Variants in ZFPM1 observed in about 807,000 individuals in gnomAD.
ZFPM1 encodes zinc finger protein ZFPM1.
In ZFPM1, 28 loss-of-function variants were observed where a neutral mutation model predicts 46.3. The ratio of observed to expected loss-of-function variants is 0.60; its 90% CI spans 0.45 to 0.83. The LOEUF (loss-of-function observed/expected upper bound fraction) is 0.83, where lower values mean the gene tolerates loss of function less well. Among genes scored for constraint, ZFPM1 ranks in the 40% least tolerant of loss-of-function variants. The pLI is 0.00. For synonymous variants in ZFPM1, 957 were observed against 675.9 expected (o/e 1.42, Z -6.45); for missense variants, 1,878 against 1,432.4 (o/e 1.31, Z -5.02).
At chr16:88,486,352 C>G (rs1473730341) in intron 2 of ZFPM1, among the ~76,000 whole-genome samples, 2 of 152,266 alleles carry the variant, frequency 1.3e-5, no homozygotes, top group Non-Finnish European at 2.9e-5. Context: ...CCATGCCCCT[C>G]CCAGCCTCAG....
chr16:88,492,337 T>C (rs28607492), intron 3 of ZFPM1, among the ~76,000 whole-genome samples: 1 of 152,132 alleles, frequency 6.6e-6, no homozygotes, highest in Non-Finnish European at 1.5e-5. Context: ...GCCCCAGCCC[T>C]TCTGAACCTG....
intron 3 of ZFPM1, among the ~76,000 whole-genome samples, chr16:88,511,719 A>C (rs1354019685): frequency 6.6e-6 from 1 of 152,144 alleles, no homozygotes; most frequent in African/African-American, 2.4e-5. Flanking sequence ...GAGCGTTGAG[A>C]ACCACCACGG....
At chr16:88,516,575 C>T in intron 4 of ZFPM1, 1 of 398,654 alleles carries the variant, frequency 2.5e-6, no homozygotes, top group Non-Finnish European at 4.4e-6. Flanking sequence ...GCTATCTCCG[C>T]CTTGGCGCCG....
chr16:88,484,223 A>C (rs969673714), intron 1 of ZFPM1, among the ~76,000 whole-genome samples: 4 of 152,202 alleles, frequency 2.6e-5, no homozygotes, highest in African/African-American at 7.2e-5. Flanking sequence ...AGGAGGCACC[A>C]GGTTTCATCA....
rs1322197385 is a variant in ZFPM1, at chr16:88,533,380, C to T, written c.1422C>T (p.Pro474=). The change falls in exon 10 of 10, where the codon CCC becomes CCT. Residue 474 remains proline (P), a synonymous_variant. Coordinates refer to ENST00000319555, the MANE Select transcript of ZFPM1 (RefSeq NM_153813.3). Reference sequence around the variant, plus strand: ...CGGTGGAGGAGCCGGAGGCGGCCCCCATCCTGGGCCCCGGAGAGCCTGGGC... The same window carrying T: ...CGGTGGAGGAGCCGGAGGCGGCCCCTATCCTGGGCCCCGGAGAGCCTGGGC... The part of the protein sequence containing the change: ...VEAVEEPEAA[P]ILGPGEPGPQ... 3 of 1,527,108 alleles carry T rather than the reference C, an allele frequency of 2.0e-6. No homozygotes were observed. The highest frequency in any genetic ancestry group is 4.0e-5 in the Admixed American group (2 of 49,776). 94.6% of individuals were successfully genotyped at this position (1,527,108 alleles called of 1,614,324 possible).
At chr16:88,479,943 C>T (rs986720818) in intron 1 of ZFPM1, among the ~76,000 whole-genome samples, 13 of 149,466 alleles carry the variant, frequency 8.7e-5, no homozygotes, top group Non-Finnish European at 1.6e-4. Context: ...AGATGGGGCA[C>T]GTCCCTGCAG....
chr16:88,529,999 G>T (rs913726113), intron 6 of ZFPM1, among the ~76,000 whole-genome samples: 2 of 152,204 alleles, frequency 1.3e-5, no homozygotes, highest in Non-Finnish European at 2.9e-5. Context: ...GGAGCCAGGA[G>T]GTCAGAAGAG....
rs1913257055 is a variant in ZFPM1 at position 88,536,639 on chromosome 16, A to G, written c.*1660A>G. 6.6e-6 allele frequency: 1 copy of G among 152,310 alleles called. No homozygotes were observed. The highest frequency in any genetic ancestry group is 6.5e-5 in the Admixed American group (1 of 15,294). The allele number at this position is 152,310 out of a possible 1,614,324, so 9.4% of individuals were successfully genotyped here. On this transcript the variant is annotated 3_prime_UTR_variant, in exon 10 of 10. Transcript: ENST00000319555. Reference sequence around the variant, plus strand: ...CCGCAGCTCGTGGGCCTGGGTCTGCAGCGCTTTCAGTGGTCTCTGATGTCT... The same window carrying G: ...CCGCAGCTCGTGGGCCTGGGTCTGCGGCGCTTTCAGTGGTCTCTGATGTCT...
chr16:88,494,726 C>A (rs1416079689), intron 3 of ZFPM1, among the ~76,000 whole-genome samples: 1 of 152,100 alleles, frequency 6.6e-6, no homozygotes, highest in Non-Finnish European at 1.5e-5. Context: ...GGCCCGGTCA[C>A]TGGGCCTGTG....
chr16:88,512,332 G>A (rs1911015811), intron 3 of ZFPM1, among the ~76,000 whole-genome samples: 1 of 152,136 alleles, frequency 6.6e-6, no homozygotes, highest in Non-Finnish European at 1.5e-5. Flanking sequence ...GGACGCTGCA[G>A]GCCCAAGCTC....
chr16:88,502,308 C>G (rs984245963), intron 3 of ZFPM1, among the ~76,000 whole-genome samples: 3 of 151,984 alleles, frequency 2.0e-5, no homozygotes, highest in Admixed American at 2.0e-4. Flanking sequence ...GGGTTTATTG[C>G]GTCTCGTGAG....
At position 88,508,813 on chromosome 16, in the gene ZFPM1, C is replaced by A. The variant is rs188302892; in HGVS notation, c.269-5574C>A. Among the ~76,000 whole-genome samples, 293 of 152,360 alleles carry A rather than the reference C, an allele frequency of 1.9e-3. 3 individuals carry two copies. Among genetic ancestry groups the A allele is most frequent in the African/African-American group, 6.7e-3 (280 of 41,598 alleles). ...CACCCAGATTACGGGCTTTTCCCCC[C>A]AGGAGGGTCTGACTTTGGAGCCGGT... is the stretch of plus-strand genomic sequence containing the variant. On this transcript the variant is annotated intron_variant, in intron 3 of 9. Coordinates refer to ENST00000319555, the MANE Select transcript of ZFPM1 (RefSeq NM_153813.3).
At chr16:88,520,971 G>T (rs1250826040) in intron 4 of ZFPM1, among the ~76,000 whole-genome samples, 2 of 136,748 alleles carry the variant, frequency 1.5e-5, no homozygotes, top group African/African-American at 2.8e-5. Context: ...TGGACAGGTG[G>T]GTGGATGGAT....
chr16:88,500,613 T>G (rs1327062899), intron 3 of ZFPM1, among the ~76,000 whole-genome samples: 1 of 152,288 alleles, frequency 6.6e-6, no homozygotes, highest in Admixed American at 6.5e-5. Context: ...CCAGCAGTGC[T>G]GTTGCCGTTA....
At chr16:88,501,217 T>A (rs531545427) in intron 3 of ZFPM1, among the ~76,000 whole-genome samples, 1 of 120,766 alleles carries the variant, frequency 8.3e-6, no homozygotes, top group East Asian at 2.9e-4. Flanking sequence ...ATGATGGAGA[T>A]AGCGGGTGTG....
At chr16:88,514,151 G>A (rs1223121415) in intron 3 of ZFPM1, among the ~76,000 whole-genome samples, 2 of 152,112 alleles carry the variant, frequency 1.3e-5, no homozygotes, top group East Asian at 3.9e-4. Flanking sequence ...CTCACAGCTC[G>A]CTCAAACCCA....
chr16:88,493,296 G>A (rs1231874470), intron 3 of ZFPM1, among the ~76,000 whole-genome samples: 8 of 146,886 alleles, frequency 5.4e-5, no homozygotes, highest in Non-Finnish European at 3.0e-5. Context: ...GCTGTTCCGG[G>A]GTGGAGAAAG....
chr16:88,498,896 A>C (rs934992172), intron 3 of ZFPM1, among the ~76,000 whole-genome samples: 1 of 151,338 alleles, frequency 6.6e-6, no homozygotes, highest in African/African-American at 2.4e-5. Flanking sequence ...TTCCCATGAC[A>C]CCCTTCCCTC....
At chr16:88,499,577 C>T (rs943347098) in intron 3 of ZFPM1, among the ~76,000 whole-genome samples, 2 of 152,242 alleles carry the variant, frequency 1.3e-5, no homozygotes, top group Non-Finnish European at 2.9e-5. Flanking sequence ...GGACACGGAG[C>T]AGGTCTGCGT....
Sources: gnomAD v4.1 joint callset for allele counts (sites outside exome capture counted in the v4.1 genomes callset) on GRCh38, gnomAD v4.1.1 for gene constraint, MANE v1.5 for transcripts, NCBI Gene and HGNC (gene_info 2026-07-23, HGNC 2026-07-21) for gene names.